YLPM1: variants seen among roughly 807,000 people sequenced by gnomAD.
The protein encoded by YLPM1 is YLP motif containing 1.
Under a neutral mutation model 230.0 loss-of-function variants are expected in YLPM1, and 99 were observed. The ratio of observed to expected loss-of-function variants is 0.43; its 90% confidence interval spans 0.37 to 0.51. The LOEUF (loss-of-function observed/expected upper bound fraction) is 0.51. YLPM1 is among the 20% of genes least tolerant of loss of function. The pLI, the probability that YLPM1 is intolerant of heterozygous loss-of-function variation, is 0.00. For synonymous variants in YLPM1, 984 were observed against 942.5 expected, an observed-to-expected ratio of 1.04 and a Z score of -0.81; for missense variants, 2,592 against 2,707.7, an observed-to-expected ratio of 0.96 and a Z score of 0.95.
chr14:74,826,295 T>A (rs1471672888), intron 18 of YLPM1, among the ~76,000 whole-genome samples: 1 of 152,168 alleles, frequency 6.6e-6, no homozygotes, highest in Non-Finnish European at 1.5e-5. Flanking sequence ...CTGAGAAGAT[T>A]CTTCTCTAAA....
chr14:74,797,985 T>C lies in YLPM1; in HGVS notation c.2688T>C (p.Ala896=). Reference sequence around the variant, plus strand: ...CAGATGTAAAGGATGTCAAGGCGGCTCAGTCAAATGAGAATCTAAGCGACT... The same window carrying C: ...CAGATGTAAAGGATGTCAAGGCGGCCCAGTCAAATGAGAATCTAAGCGACT... ...IAADVKDVKA[A]QSNENLSDSQ... Residue 896 remains alanine, a synonymous_variant, in exon 5 of 21, where the codon GCT becomes GCC. Transcript: ENST00000325680. 6.2e-7 allele frequency: 1 copy of C among 1,613,312 alleles called. No individual in the cohort carries two copies. Among genetic ancestry groups the C allele is most frequent in the Non-Finnish European group, 8.5e-7 (1 of 1,179,638 alleles).
chr14:74,783,176 C>T (rs1447648653), intron 4 of YLPM1, among the ~76,000 whole-genome samples: 1 of 152,100 alleles, frequency 6.6e-6, no homozygotes, highest in Admixed American at 6.5e-5. Flanking sequence ...GCAGTCCTCC[C>T]ACCTCAGCCT....
intron 6 of YLPM1, among the ~76,000 whole-genome samples, chr14:74,809,081 A>G (rs2091407699): frequency 6.7e-6 from 1 of 149,634 alleles, no homozygotes; most frequent in Non-Finnish European, 1.5e-5. Flanking sequence ...CTTTGGAGAA[A>G]TATCTATTCT....
intron 19 of YLPM1, among the ~76,000 whole-genome samples, chr14:74,834,183 TAAA>T (rs5809680): frequency 7.7e-6 from 1 of 130,362 alleles, no homozygotes. Context: ...ACTCTGACTC[TAAA>T]AAAAAAAAAA....
At position 74,816,603 on chromosome 14, in the gene YLPM1, C is replaced by G. The variant is rs762386982; in HGVS notation, c.5598C>G (p.Pro1866=). The change falls in exon 13 of 21, where the codon CCC becomes CCG. Residue 1866 remains proline (P), a synonymous_variant. Coordinates refer to ENST00000325680, the MANE Select transcript of YLPM1 (RefSeq NM_019589.3). ...AGGTAGAATTTGGAGGACCTGCACC[C>G]AGAGTTCTAAGCCTGGATGATTACT... is the stretch of plus-strand genomic sequence containing the variant. ...DKEVEFGGPA[P]RVLSLDDYFI... The G allele has an allele frequency of 1.9e-6, 3 of 1,613,362 alleles. No individual in the cohort carries two copies. In the South Asian group the frequency reaches 3.3e-5, roughly 18 times the overall value.
chr14:74,827,924 A>G (rs2091578496), intron 18 of YLPM1: 1 of 985,450 alleles, frequency 1.0e-6, no homozygotes, highest in Non-Finnish European at 1.2e-6. Flanking sequence ...TGGAATCCAT[A>G]CATGTTAAAA....
Position 74,810,298 on chromosome 14 carries a change from C to T in YLPM1, c.5106C>T (p.Val1702=). 1 of 1,613,736 alleles carries T rather than the reference C, an allele frequency of 6.2e-7. No homozygotes were observed. The highest frequency in any genetic ancestry group is 8.5e-7 in the Non-Finnish European group (1 of 1,179,852). The stretch of plus-strand genomic sequence containing the variant: ...CTTATTTTGATCGTCAAAGTAATGT[C>T]ATAGCAGATCATCGAGATTTTAAAA... The part of the protein sequence containing the change: ...REPYFDRQSN[V]IADHRDFKRD... The change falls in exon 9 of 21, where the codon GTC becomes GTT. Residue 1702 remains valine (V), a synonymous_variant. Transcript: ENST00000325680.
intron 1 of YLPM1, among the ~76,000 whole-genome samples, chr14:74,774,956 G>A (rs993571308): frequency 1.3e-5 from 2 of 152,186 alleles, no homozygotes. Flanking sequence ...CCTGGGAAAA[G>A]ATCAAAATTC....
Position 74,817,271 on chromosome 14 carries a change from A to G in YLPM1, c.5940A>G (p.Ile1980Met). Residue 1980 changes from isoleucine (I) to methionine (M), a missense_variant, in exon 15 of 21, where the codon ATA becomes ATG. Around this residue, in one of 4 missense-constraint regions of YLPM1, gnomAD observed 315 missense variants for 429.3 expected, o/e 0.73. Coordinates refer to ENST00000325680, the MANE Select transcript of YLPM1 (RefSeq NM_019589.3). Reference sequence around the variant, plus strand: ...TTCATGGAAGAAAGCTTAAAGAAATAAATAAGGTGATTTTAAGAAACATAG... The same window carrying G: ...TTCATGGAAGAAAGCTTAAAGAAATGAATAAGGTGATTTTAAGAAACATAG... ...RNIHGRKLKE[I>M]NKMADHWETA... 6.3e-7 allele frequency: 1 copy of G among 1,577,392 alleles called. No homozygotes were observed. The highest frequency in any genetic ancestry group is 8.6e-7 in the Non-Finnish European group (1 of 1,160,552).
intron 4 of YLPM1, among the ~76,000 whole-genome samples, chr14:74,794,002 C>T (rs1207208307): frequency 6.6e-6 from 1 of 152,184 alleles, no homozygotes. Context: ...TGGTTTCTTC[C>T]TGCTCTGTAA....
rs1295238332 is a variant in YLPM1, at chr14:74,780,553, A to G, written c.1259A>G (p.Gln420Arg). 4 of 1,613,816 alleles carry G rather than the reference A, an allele frequency of 2.5e-6. No homozygotes were observed. Among genetic ancestry groups the G allele is most frequent in the Non-Finnish European group, 3.4e-6 (4 of 1,179,836 alleles). ...TQLQQILQQY[Q>R]QIIQPPPHIQ... ...TTACAGCAGATTCTACAACAGTATC[A>G]GCAGATTATACAGCCCCCACCACAT... Residue 420 changes from glutamine (Q) to arginine (R), a missense_variant, in exon 3 of 21, where the codon CAG becomes CGG. This residue lies in a region of YLPM1 where 1,862 missense variants were observed against 1,819.8 expected (regional missense o/e 1.02). Coordinates refer to ENST00000325680, the MANE Select transcript of YLPM1 (RefSeq NM_019589.3).
At chr14:74,802,217 CAAAAA>C (rs34503917) in intron 5 of YLPM1, among the ~76,000 whole-genome samples, 1 of 95,056 alleles carries the variant, frequency 1.1e-5, no homozygotes, top group South Asian at 3.2e-4. Flanking sequence ...GACTCTGTCT[CAAAAA>C]AAAAAAAAAA....
intron 17 of YLPM1, chr14:74,822,235 A>G (rs749807327): frequency 6.6e-6 from 1 of 152,170 alleles, no homozygotes; most frequent in Non-Finnish European, 1.5e-5. Context: ...CTTCTGGAAT[A>G]TGGCTAATGA....
chr14:74,796,596 T>C (rs1284486402), intron 4 of YLPM1, among the ~76,000 whole-genome samples: 1 of 152,100 alleles, frequency 6.6e-6, no homozygotes, highest in East Asian at 1.9e-4. Context: ...ACATATGACA[T>C]TTTATTCTTG....
intron 15 of YLPM1, among the ~76,000 whole-genome samples, chr14:74,817,809 C>A (rs1023181202): frequency 6.6e-6 from 1 of 152,014 alleles, no homozygotes; most frequent in Non-Finnish European, 1.5e-5. Context: ...AATCCCAGCA[C>A]TTTGGGAGGC....
At chr14:74,777,799 A>G (rs931782986) in intron 1 of YLPM1, among the ~76,000 whole-genome samples, 1 of 151,856 alleles carries the variant, frequency 6.6e-6, no homozygotes, top group African/African-American at 2.4e-5. Flanking sequence ...ACACAGTAAG[A>G]CCTTGTGTCT....
chr14:74,780,574 C>A lies in YLPM1; in HGVS notation c.1280C>A (p.Pro427Gln). The A allele has an allele frequency of 6.2e-7, 1 of 1,610,340 alleles. No individual in the cohort carries two copies. The highest frequency in any genetic ancestry group is 1.1e-5 in the South Asian group (1 of 90,698). ...TATCAGCAGATTATACAGCCCCCAC[C>A]ACATATACAGGCAAGTGCTTCCATA... ...QQYQQIIQPP[P>Q]HIQTMSVDMQ... is the part of the protein sequence containing the mutation. The change falls in exon 3 of 21, where the codon CCA (proline) becomes CAA (glutamine). Residue 427 changes from proline to glutamine, a missense_variant. Transcript: ENST00000325680.
intron 6 of YLPM1, among the ~76,000 whole-genome samples, chr14:74,804,058 G>A (rs569152414): frequency 6.6e-6 from 1 of 152,120 alleles, no homozygotes; most frequent in Non-Finnish European, 1.5e-5. Flanking sequence ...TAAGGAGGCC[G>A]AGGCAGGAGA....
At chr14:74,801,334 C>T (rs1399614855) in intron 5 of YLPM1, among the ~76,000 whole-genome samples, 1 of 152,138 alleles carries the variant, frequency 6.6e-6, no homozygotes, top group Non-Finnish European at 1.5e-5. Flanking sequence ...TAATCTTACA[C>T]ACTTGACCCT....
Sources: allele counts gnomAD v4.1 joint callset (sites outside exome capture counted in the v4.1 genomes callset), GRCh38; gene constraint gnomAD v4.1.1; regional missense constraint gnomAD v4.1.1; transcripts MANE v1.5; gene names NCBI Gene and HGNC (gene_info 2026-07-23, HGNC 2026-07-21).